ZNF205: variants seen among roughly 807,000 people sequenced by gnomAD.
The protein encoded by ZNF205 is transcriptional repressor RHIT.
ZNF205 carries 32 observed loss-of-function variants against 53.6 expected under a neutral mutation model. The observed-to-expected ratio is 0.60, with a 90% confidence interval of 0.45 to 0.80. ZNF205 has a LOEUF of 0.80. ZNF205 is among the 30% of genes least tolerant of loss of function. The pLI, the probability that ZNF205 is intolerant of heterozygous loss-of-function variation, is 0.00. For missense variants in ZNF205, 836 were observed against 782.4 expected (o/e 1.07, Z -0.82); for synonymous variants, 382 against 334.3 (o/e 1.14, Z -1.56).
intron 5 of ZNF205, among the ~76,000 whole-genome samples, chr16:3,118,367 A>G (rs1292598549): frequency 6.6e-6 from 1 of 151,638 alleles, no homozygotes; most frequent in African/African-American, 2.4e-5. Flanking sequence ...CTCAACACCC[A>G]TTTTCAGCAC....
Position 3,119,294 on chromosome 16 carries a change from G to A in ZNF205, c.634G>A (p.Val212Met). ...GGGGCAGAGGGTGCAGACCTCATCCGTGGCAGCCCTTGGGAATGTGAAGCC... is the reference window on the plus strand; with the variant it reads ...GGGGCAGAGGGTGCAGACCTCATCCATGGCAGCCCTTGGGAATGTGAAGCC... Reference protein sequence around the residue: ...EVGQRVQTSSVAALGNVKPFR... With the variant: ...EVGQRVQTSSMAALGNVKPFR... The change falls in exon 7 of 7, where the codon GTG (valine) becomes ATG (methionine). Residue 212 changes from valine (V) to methionine (M), a missense_variant. Val to Met is a conservative substitution (Grantham distance 21). Transcript: ENST00000219091. 1.2e-6 allele frequency: 2 copies of A among 1,609,338 alleles called. No homozygotes were observed. The highest frequency in any genetic ancestry group is 1.7e-5 in the Admixed American group (1 of 59,438).
At chr16:3,113,360 GA>G in intron 1 of ZNF205, 56 bp from the exon 2 acceptor site, 2 of 1,578,108 alleles carry the variant, frequency 1.3e-6, no homozygotes, top group Non-Finnish European at 1.7e-6. Context: ...CTCCTGGCCA[GA>G]AGCTGGAGGG....
rs910071985 is a variant in ZNF205 at position 3,120,373 on chromosome 16, C to G, written c.*48C>G. The G allele has an allele frequency of 6.9e-7, 1 of 1,450,962 alleles. No homozygotes were observed. Among genetic ancestry groups the G allele is most frequent in the South Asian group, 1.4e-5 (1 of 69,958 alleles). The allele number at this position is 1,450,962 out of a possible 1,614,324, so 89.9% of individuals were successfully genotyped here. On this transcript the variant is annotated 3_prime_UTR_variant, in exon 7 of 7. Transcript: ENST00000219091. ...GGCGCCCAGGGCCACTGGAACAGCC[C>G]CACTGGAGTCAAGGCTCCGAGGGAG... is the stretch of plus-strand genomic sequence containing the variant.
intron 4 of ZNF205, 162 bp from the exon 5 acceptor site, chr16:3,116,265 G>A: frequency 4.1e-6 from 4 of 970,120 alleles, no homozygotes; most frequent in Non-Finnish European, 6.1e-6. Flanking sequence ...CTCCCCAGAA[G>A]GCCTTGGGTG....
intron 2 of ZNF205, among the ~76,000 whole-genome samples, chr16:3,114,118 A>G (rs1957307973): frequency 6.6e-6 from 1 of 152,116 alleles, no homozygotes; most frequent in Non-Finnish European, 1.5e-5. Flanking sequence ...TATGGTTTTC[A>G]TGCCATAGAA....
chr16:3,119,260 C>T lies in ZNF205; in HGVS notation c.600C>T (p.Ala200=), dbSNP rs2151231782. ...GAAACGACTTTCTTTTTCCAGGAGC[C>T]GTCGAGGTGGGGCAGAGGGTGCAGA... The part of the protein sequence containing the change: ...EKEWRGACTG[A]VEVGQRVQTS... The change falls in exon 7 of 7, where the codon GCC becomes GCT. Residue 200 remains alanine (A), a synonymous_variant. Transcript: ENST00000219091. 1.3e-6 allele frequency: 2 copies of T among 1,571,696 alleles called. No individual in the cohort carries two copies. The highest frequency in any genetic ancestry group is 1.4e-5 in the African/African-American group (1 of 73,266).
rs772772997 is a variant in ZNF205 at position 3,119,337 on chromosome 16, G to A, written c.677G>A (p.Gly226Glu). The part of the protein sequence containing the change: ...GNVKPFRTRA[G>E]RVQWGVPQCA... ...GTGAAGCCCTTCAGAACCAGGGCAG[G>A]GAGAGTCCAGTGGGGCGTCCCGCAG... Residue 226 changes from glycine (G) to glutamate (E), a missense_variant, in exon 7 of 7, where the codon GGG becomes GAG. Gly to Glu is a moderately conservative substitution (Grantham distance 98). Coordinates refer to ENST00000219091, the MANE Select transcript of ZNF205 (RefSeq NM_001042428.2). 5 of 1,612,916 alleles carry A rather than the reference G, an allele frequency of 3.1e-6. No individual in the cohort carries two copies. In the South Asian group the frequency reaches 4.4e-5, roughly 14 times the overall value.
intron 5 of ZNF205, 100 bp downstream of exon 5, chr16:3,116,647 C>A (rs1957350188): frequency 1.4e-6 from 2 of 1,479,458 alleles, no homozygotes; most frequent in Non-Finnish European, 1.8e-6. Flanking sequence ...CCACCCTTCT[C>A]CTTGTCCCTT....
chr16:3,115,801 C>T (rs1366665821), intron 3 of ZNF205, 28 bp from the exon 4 acceptor site: 3 of 1,589,114 alleles, frequency 1.9e-6, no homozygotes, highest in Middle Eastern at 1.7e-4. Flanking sequence ...ATGAGCTGAT[C>T]ACCGTGAGGA....
At position 3,115,847 on chromosome 16, in the gene ZNF205, T is replaced by C. The variant is rs748720718; in HGVS notation, c.290T>C (p.Ile97Thr). The C allele has an allele frequency of 5.0e-6, 8 of 1,613,858 alleles. No homozygotes were observed. Among genetic ancestry groups the C allele is most frequent in the Non-Finnish European group, 6.8e-6 (8 of 1,179,914 alleles). Residue 97 changes from isoleucine (I) to threonine (T), a missense_variant, in exon 4 of 7, where the codon ATC (isoleucine) becomes ACC (threonine). Ile to Thr is a moderately conservative substitution (Grantham distance 89, BLOSUM62 -1). Coordinates refer to ENST00000219091, the MANE Select transcript of ZNF205 (RefSeq NM_001042428.2). ...CCCACAGCCCTCCCCTCCCCCCGGA[T>C]CCCCGTGCTTTCCCGAGAGGGGAGG... The part of the protein sequence containing the change: ...LPGGALPSPR[I>T]PVLSREGRTR...
At chr16:3,119,099 G>A (rs964937213) in intron 6 of ZNF205, 84 bp downstream of exon 6, 21 of 1,543,810 alleles carry the variant, frequency 1.4e-5, no homozygotes, top group Non-Finnish European at 1.8e-5. Flanking sequence ...AGTGGGGCAG[G>A]GCCACCAGAC....
chr16:3,119,972 C>A lies in ZNF205; in HGVS notation c.1312C>A (p.His438Asn), dbSNP rs748440593. The change falls in exon 7 of 7, where the codon CAC becomes AAC. Residue 438 changes from histidine to asparagine, a missense_variant. Coordinates refer to ENST00000219091, the MANE Select transcript of ZNF205 (RefSeq NM_001042428.2). Reference sequence around the variant, plus strand: ...CACGCAGAGCTCGGCGCTAGTCACCCACCAGCGCACCCACACTGGGGTCAA... The same window carrying A: ...CACGCAGAGCTCGGCGCTAGTCACCAACCAGCGCACCCACACTGGGGTCAA... Reference protein sequence around the residue: ...CFTQSSALVTHQRTHTGVKPY... With the variant: ...CFTQSSALVTNQRTHTGVKPY... The A allele has an allele frequency of 1.2e-6, 2 of 1,613,710 alleles. No individual in the cohort carries two copies. Among genetic ancestry groups the A allele is most frequent in the Non-Finnish European group, 1.7e-6 (2 of 1,179,940 alleles).
chr16:3,112,818 G>A, intron 1 of ZNF205, 136 bp downstream of exon 1: 1 of 201,594 alleles, frequency 5.0e-6, no homozygotes, highest in South Asian at 8.3e-5. Context: ...GGTTTGGGAA[G>A]GAGAAGGACA....
chr16:3,118,240 C>G (rs1188710373), intron 5 of ZNF205, among the ~76,000 whole-genome samples: 3 of 151,948 alleles, frequency 2.0e-5, no homozygotes, highest in Non-Finnish European at 4.4e-5. Flanking sequence ...TCCCAAGGCC[C>G]CGCTGGCTGG....
At position 3,115,421 on chromosome 16, in the gene ZNF205, G is replaced by GT. The variant is rs1433709037; in HGVS notation, c.124_125insT (p.Asp42ValfsTer9). On this transcript the variant is annotated frameshift_variant, in exon 3 of 7. Coordinates refer to ENST00000219091, the MANE Select transcript of ZNF205 (RefSeq NM_001042428.2). LOFTEE classifies it high-confidence loss of function. ...GCTGGGGGAGGCGGTACCTTCAGGG[G>GT]ACACTCAGGAGTCACTGCACATTAA... 2 of 1,611,822 alleles carry GT rather than the reference G, an allele frequency of 1.2e-6. No homozygotes were observed. Among genetic ancestry groups the GT allele is most frequent in the Non-Finnish European group, 1.7e-6 (2 of 1,178,968 alleles).
rs1362873737 is a variant in ZNF205, at chr16:3,119,579, A to G, written c.919A>G (p.Ser307Gly). The change falls in exon 7 of 7, where the codon AGC becomes GGC. Residue 307 changes from serine (S) to glycine (G), a missense_variant. Ser to Gly is a moderately conservative substitution (Grantham distance 56). Coordinates refer to ENST00000219091, the MANE Select transcript of ZNF205 (RefSeq NM_001042428.2). ...LAPDSEVGRK[S>G]YRCEQCGKGF... ...CCCTGACAGTGAGGTGGGCAGGAAG[A>G]GCTACCGGTGCGAGCAGTGCGGCAA... 2 of 1,608,658 alleles carry G rather than the reference A, an allele frequency of 1.2e-6. No individual in the cohort carries two copies. Among genetic ancestry groups the G allele is most frequent in the African/African-American group, 2.7e-5 (2 of 74,888 alleles).
intron 4 of ZNF205, 86 bp downstream of exon 4, chr16:3,116,006 C>T: frequency 7.2e-7 from 1 of 1,397,608 alleles, no homozygotes; most frequent in Non-Finnish European, 9.9e-7. Flanking sequence ...CCCCGCTGGC[C>T]CCACTTGCAG....
In ZNF205 at chr16:3,113,503, G is replaced by A. The variant is rs1425492207; in HGVS notation, c.57+16G>A. 1.2e-6 allele frequency: 2 copies of A among 1,612,494 alleles called. No individual in the cohort carries two copies. Among genetic ancestry groups the A allele is most frequent in the Non-Finnish European group, 8.5e-7 (1 of 1,179,422 alleles). ...ACCCCCGGAGGTACAGATGGGGCTG[G>A]CTGAGGGAGGTGTGCGGTAGAAGAG... is the stretch of plus-strand genomic sequence containing the variant. On this transcript the variant is annotated intron_variant, in intron 2 of 6. Transcript: ENST00000219091.
At position 3,115,498 on chromosome 16, in the gene ZNF205, T is replaced by G; in HGVS notation, c.201T>G (p.Ala67=). ...HSEGASQEDG[A]QGAWGWAPLS... Reference sequence around the variant, plus strand: ...AGGGGGCATCGCAGGAGGATGGGGCTCAAGGTGCCTGGGGCTGGGCACCCC... The same window carrying G: ...AGGGGGCATCGCAGGAGGATGGGGCGCAAGGTGCCTGGGGCTGGGCACCCC... The change falls in exon 3 of 7, where the codon GCT becomes GCG. Residue 67 remains alanine (A), a synonymous_variant. Coordinates refer to ENST00000219091, the MANE Select transcript of ZNF205 (RefSeq NM_001042428.2). 1 of 1,605,584 alleles carries G rather than the reference T, an allele frequency of 6.2e-7. No homozygotes were observed. Among genetic ancestry groups the G allele is most frequent in the South Asian group, 1.1e-5 (1 of 89,778 alleles).
Sources: gnomAD v4.1 joint callset for allele counts (sites outside exome capture counted in the v4.1 genomes callset) on GRCh38, gnomAD v4.1.1 for gene constraint, MANE v1.5 for transcripts, NCBI Gene and HGNC (gene_info 2026-07-23, HGNC 2026-07-21) for gene names.